SHC2: variants seen among roughly 807,000 people sequenced by gnomAD.
SHC2 encodes SHC-transforming protein 2.
SHC2 carries 62 observed loss-of-function variants against 60.6 expected under a neutral mutation model. The ratio of observed to expected loss-of-function variants is 1.02; its 90% CI spans 0.83 to 1.26. SHC2 has a LOEUF of 1.26. Ranked by LOEUF, SHC2 falls within the 50% of genes most tolerant of loss-of-function variation. The pLI is 0.00. For missense variants in SHC2, 873 were observed against 822.2 expected, an observed-to-expected ratio of 1.06 and a Z score of -0.76; for synonymous variants, 375 against 372.4, an observed-to-expected ratio of 1.01 and a Z score of -0.08.
Position 422,521 on chromosome 19 carries a change from A to G in SHC2, c.1310-65T>C. On this transcript the variant is annotated intron_variant, in intron 10 of 12. Transcript: ENST00000264554. The surrounding 1 kb of genome is among the most constrained non-coding windows in gnomAD (Gnocchi z 5.0). ...AAGCAGCTACTCCTGCCGGGACCAG[A>G]GCTGGGAGAAACGGGTTCCCCGGGG... 1 of 1,379,932 alleles carries G rather than the reference A, an allele frequency of 7.2e-7. No individual in the cohort carries two copies. Among genetic ancestry groups the G allele is most frequent in the Non-Finnish European group, 9.7e-7 (1 of 1,033,968 alleles). The allele number at this position is 1,379,932 out of a possible 1,614,324, so 85.5% of individuals were successfully genotyped here.
Position 445,373 on chromosome 19 carries a change from G to A in SHC2, c.469-4441C>T, listed in dbSNP as rs923790671. Among the ~76,000 whole-genome samples the A allele has an allele frequency of 5.9e-5, 9 of 152,188 alleles. No individual in the cohort carries two copies. Among genetic ancestry groups the A allele is most frequent in the Admixed American group, 3.3e-4 (5 of 15,276 alleles). On this transcript the variant is annotated intron_variant, in intron 1 of 12. Coordinates refer to ENST00000264554, the MANE Select transcript of SHC2 (RefSeq NM_012435.3). The surrounding 1 kb of genome is among the most constrained non-coding windows in gnomAD (Gnocchi z 4.4). ...GGAGAACACGGCCCTCTGTAAAGAG[G>A]CCCTCGCCAGACACTGAATCTTCCG...
chr19:460,242 T>C (rs1568302086), intron 1 of SHC2, among the ~76,000 whole-genome samples: 1 of 151,072 alleles, frequency 6.6e-6, no homozygotes, highest in Non-Finnish European at 1.5e-5. Context: ...GCTCTCGGCC[T>C]CGCCCGCCCA....
At chr19:447,248 C>G (rs2145741582) in intron 1 of SHC2, among the ~76,000 whole-genome samples, 1 of 151,778 alleles carries the variant, frequency 6.6e-6, no homozygotes, top group Non-Finnish European at 1.5e-5. Context: ...TATGAAGTGG[C>G]CAAGACAGGC....
At position 445,300 on chromosome 19, in the gene SHC2, TAA is replaced by T. The variant is rs1568294354; in HGVS notation, c.469-4370_469-4369del. 6.6e-6 allele frequency among the ~76,000 whole-genome samples: 1 copy of T among 152,016 alleles called. No individual in the cohort carries two copies. The highest frequency in any genetic ancestry group is 2.4e-5 in the African/African-American group (1 of 41,360). ...CTCAGGACTGGGATCAGTGCCCTTA[TAA>T]AAGAGACCCCAGACAGAGCCCAGCC... is the stretch of plus-strand genomic sequence containing the variant. On this transcript the variant is annotated intron_variant, in intron 1 of 12. Transcript: ENST00000264554. This position sits in a 1 kb window ranked among gnomAD's most constrained non-coding sequence, Gnocchi z 4.4.
Position 436,630 on chromosome 19 carries a change from C to T in SHC2, c.774G>A (p.Thr258=), listed in dbSNP as rs200474350. The change falls in exon 5 of 13, where the codon ACG becomes ACA. Residue 258 remains threonine (T), a splice_region_variant and synonymous_variant. Transcript: ENST00000264554. ...PSISFASGGD[T]DMTDYVAYVA... ...GGTCCACCCCCATCCCTGGCCTCAC[C>T]GTGTCTCCGCCTGACGCGAAGGAGA... 281 of 1,605,100 alleles carry T rather than the reference C, an allele frequency of 1.8e-4. No homozygotes were observed. The African/African-American group carries it at 3.2e-3, about 18-fold the overall frequency.
In SHC2 at chr19:438,819, C is replaced by T. The variant is rs1974781644; in HGVS notation, c.619G>A (p.Ala207Thr). The T allele has an allele frequency of 2.5e-6, 4 of 1,570,360 alleles. No individual in the cohort carries two copies. In the South Asian group the frequency reaches 3.5e-5, roughly 14 times the overall value. The change falls in exon 4 of 13, where the codon GCG becomes ACG. Residue 207 changes from alanine (A) to threonine (T), a missense_variant. Ala to Thr is a moderately conservative substitution (Grantham distance 58). Transcript: ENST00000264554. The surrounding 1 kb of genome is among the most constrained non-coding windows in gnomAD (Gnocchi z 5.0). ...WKKKAPNKAL[A>T]SVLGKSNLRF... ...AGGTTGCTCTTGCCCAGGACGGACG[C>T]CAGGGCCTTGTTGGGGGCCTGAGTT... is the stretch of plus-strand genomic sequence containing the variant.
intron 4 of SHC2, among the ~76,000 whole-genome samples, chr19:437,248 G>A (rs749376558): frequency 1.1e-4 from 16 of 151,048 alleles, no homozygotes; most frequent in South Asian, 2.1e-4. Context: ...GCTCATCTGC[G>A]TGCTCGTTTG....
intron 8 of SHC2, among the ~76,000 whole-genome samples, chr19:431,807 A>C (rs1974605429): frequency 6.0e-5 from 1 of 16,728 alleles, no homozygotes; most frequent in Admixed American, 7.0e-4. Context: ...TGAGATCGTG[A>C]GTGAGAGTTA....
chr19:426,864 G>A (rs1424520141), intron 9 of SHC2, among the ~76,000 whole-genome samples: 3 of 152,046 alleles, frequency 2.0e-5, no homozygotes, highest in Admixed American at 1.3e-4. Context: ...GGCAGAGTCC[G>A]GGGAGGGAGG....
At chr19:458,979 C>T (rs1975466833) in intron 1 of SHC2, among the ~76,000 whole-genome samples, 1 of 152,068 alleles carries the variant, frequency 6.6e-6, no homozygotes, top group Non-Finnish European at 1.5e-5. Context: ...TGGGCCCGGG[C>T]TTGAGGCCCC....
At chr19:421,502 T>C (rs978830344) in intron 11 of SHC2, among the ~76,000 whole-genome samples, 5 of 151,990 alleles carry the variant, frequency 3.3e-5, no homozygotes, top group Non-Finnish European at 5.9e-5. Context: ...AGTAACTTGA[T>C]CCCAAAATTC....
intron 1 of SHC2, among the ~76,000 whole-genome samples, chr19:457,666 G>A (rs1975381589): frequency 6.6e-6 from 1 of 152,170 alleles, no homozygotes; most frequent in Non-Finnish European, 1.5e-5. Context: ...TTCCTGCAGT[G>A]ACGGAAAGCA....
intron 1 of SHC2, among the ~76,000 whole-genome samples, chr19:460,257 G>T (rs1280930649): frequency 6.7e-6 from 1 of 149,556 alleles, no homozygotes; most frequent in East Asian, 1.9e-4. Flanking sequence ...CGCCCAGTCC[G>T]AGTGGGGGGC....
Position 419,027 on chromosome 19 carries a change from GCT to G in SHC2, c.1648_1649del (p.Ser550HisfsTer21), listed in dbSNP as rs1487678340. On this transcript the variant is annotated frameshift_variant, in exon 12 of 13. Coordinates refer to ENST00000264554, the MANE Select transcript of SHC2 (RefSeq NM_012435.3). LOFTEE classifies it high-confidence loss of function. ...VVRTKDVLFE[S>X]ISHLIDHHLQ... ...GGTGGTGGTCGATCAGGTGGCTGAT[GCT>G]CTCAAACAGCACGTCCTTCGTCCGT... 1 of 1,586,746 alleles carries G rather than the reference GCT, an allele frequency of 6.3e-7. No individual in the cohort carries two copies. Among genetic ancestry groups the G allele is most frequent in the Non-Finnish European group, 8.6e-7 (1 of 1,166,882 alleles).
chr19:460,523 ACT>A lies in SHC2; in HGVS notation c.468+4_468+5del. 1 of 1,276,216 alleles carries A rather than the reference ACT, an allele frequency of 7.8e-7. No individual in the cohort carries two copies. The highest frequency in any genetic ancestry group is 9.9e-7 in the Non-Finnish European group (1 of 1,005,274). The allele number at this position is 1,276,216 out of a possible 1,614,324, so 79.1% of individuals were successfully genotyped here. ...CGGGCTCCCGGGGGGGGTGGGGGGG[ACT>A]CACCCGCACGACGTAGGAGACCCCG... On this transcript the variant is annotated splice_donor_5th_base_variant and intron_variant, in intron 1 of 12. Transcript: ENST00000264554.
At chr19:426,853 G>T (rs113607089) in intron 9 of SHC2, among the ~76,000 whole-genome samples, 8,426 of 141,098 alleles carry the variant, frequency 0.06, 752 homozygotes, top group East Asian at 0.44. Context: ...ACAGTGCGAG[G>T]GGCAGAGTCC....
chr19:455,506 C>A (rs1975320632), intron 1 of SHC2, among the ~76,000 whole-genome samples: 1 of 152,254 alleles, frequency 6.6e-6, no homozygotes. Flanking sequence ...GGACGCGGGG[C>A]CCACGCCGCT....
chr19:425,306 C>A lies in SHC2; in HGVS notation c.1175-75G>T. On this transcript the variant is annotated intron_variant, in intron 9 of 12. Coordinates refer to ENST00000264554, the MANE Select transcript of SHC2 (RefSeq NM_012435.3). The surrounding 1 kb of genome is among the most constrained non-coding windows in gnomAD (Gnocchi z 4.1). ...GCTCGCAGGGAGCAAGGCGGGGTCC[C>A]ACGAGGAGCTCCCCCGGCCACCACC... 8.3e-7 allele frequency: 1 copy of A among 1,201,126 alleles called. No individual in the cohort carries two copies. Among genetic ancestry groups the A allele is most frequent in the East Asian group, 3.0e-5 (1 of 33,734 alleles). The allele number at this position is 1,201,126 out of a possible 1,614,324, so 74.4% of individuals were successfully genotyped here.
rs184055107 is a variant in SHC2 at position 424,121 on chromosome 19, C to T, written c.1309+976G>A. Reference sequence around the variant, plus strand: ...CCTGAGCTCAGGCAAGGACCCTACCCGGCAGCTCAGAGCCAACACCTCTCC... The same window carrying T: ...CCTGAGCTCAGGCAAGGACCCTACCTGGCAGCTCAGAGCCAACACCTCTCC... On this transcript the variant is annotated intron_variant, in intron 10 of 12. Transcript: ENST00000264554. This position sits in a 1 kb window ranked among gnomAD's most constrained non-coding sequence, Gnocchi z 4.5. 1.4e-4 allele frequency among the ~76,000 whole-genome samples: 21 copies of T among 152,246 alleles called. No homozygotes were observed. Among genetic ancestry groups the T allele is most frequent in the Non-Finnish European group, 1.5e-4 (10 of 68,014 alleles).
Sources: allele counts gnomAD v4.1 joint callset (sites outside exome capture counted in the v4.1 genomes callset), GRCh38; gene constraint gnomAD v4.1.1; non-coding constraint Gnocchi (gnomAD v3.1); transcripts MANE v1.5; gene names NCBI Gene and HGNC (gene_info 2026-07-23, HGNC 2026-07-21).